PRKD1: variants seen among roughly 807,000 people sequenced by gnomAD.
PRKD1 encodes serine/threonine-protein kinase D1.
A neutral mutation model predicts 95.9 loss-of-function variants in PRKD1; 63 were observed. That is an observed-to-expected ratio of 0.66 (90% CI 0.54 to 0.81). The LOEUF (loss-of-function observed/expected upper bound fraction) is 0.81. Ranked by LOEUF, PRKD1 falls within the 30% of genes least tolerant of loss-of-function variation. The probability of loss-of-function intolerance (pLI) is 0.00; values close to 1 mark genes in which losing one functional copy is unlikely to be tolerated. For synonymous variants in PRKD1, 425 were observed against 423.1 expected (o/e 1.00, Z -0.05); for missense variants, 1,048 against 1,165.3 (o/e 0.90, Z 1.47).
chr14:29,597,597 G>A lies in PRKD1; in HGVS notation c.2328C>T (p.Ser776=). The change falls in exon 16 of 18, where the codon AGC becomes AGT. Residue 776 remains serine (S), a synonymous_variant. Coordinates refer to ENST00000331968, the MANE Select transcript of PRKD1 (RefSeq NM_002742.3). Reference sequence around the variant, plus strand: ...CATTAAATGGGAATGTGCCGCTTAGGCTTACATAGATGATGACCCCAACAG... The same window carrying A: ...CATTAAATGGGAATGTGCCGCTTAGACTTACATAGATGATGACCCCAACAG... The part of the protein sequence containing the change: ...MWSVGVIIYV[S]LSGTFPFNED... 6.2e-7 allele frequency: 1 copy of A among 1,614,002 alleles called. No homozygotes were observed. Among genetic ancestry groups the A allele is most frequent in the Non-Finnish European group, 8.5e-7 (1 of 1,179,976 alleles).
At chr14:29,907,876 G>A (rs929847098) in intron 1 of PRKD1, among the ~76,000 whole-genome samples, 3 of 152,238 alleles carry the variant, frequency 2.0e-5, no homozygotes, top group African/African-American at 7.2e-5. Flanking sequence ...GTATAGAGAT[G>A]TATATTTTCC....
intron 1 of PRKD1, among the ~76,000 whole-genome samples, chr14:29,797,295 G>C (rs983864169): frequency 1.3e-5 from 2 of 152,162 alleles, no homozygotes; most frequent in Non-Finnish European, 2.9e-5. Context: ...CAAATTGTTT[G>C]TAAGCGATGG....
intron 2 of PRKD1, among the ~76,000 whole-genome samples, chr14:29,676,882 C>T (rs2139254162): frequency 6.6e-6 from 1 of 152,184 alleles, no homozygotes; most frequent in East Asian, 1.9e-4. Flanking sequence ...AATATGGTAG[C>T]CACTGGCCAC....
rs763262469 is a variant in PRKD1, at chr14:29,680,466, GA to G, written c.404-14259del. On this transcript the variant is annotated intron_variant, in intron 2 of 17. Coordinates refer to ENST00000331968, the MANE Select transcript of PRKD1 (RefSeq NM_002742.3). ...AGCAACAAGAGGAATATATAAGAAA[GA>G]AAAAAACCTACAACGCACTATTATG... Among the ~76,000 whole-genome samples the G allele has an allele frequency of 1.1e-3, 167 of 152,062 alleles. 1 individual carries two copies. The highest frequency in any genetic ancestry group is 1.8e-3 in the Non-Finnish European group (119 of 67,966).
chr14:29,784,712 G>A lies in PRKD1; in HGVS notation c.265-59038C>T, dbSNP rs994384383. 5.9e-5 allele frequency among the ~76,000 whole-genome samples: 9 copies of A among 152,254 alleles called. 1 individual carries two copies. The highest frequency in any genetic ancestry group is 1.3e-4 in the Admixed American group (2 of 15,282). ...GTGGTCTGAGGGTTCACGGTTCAGCGTTCAGGGATCAGCTGGCATGGCAAC... is the reference window on the plus strand; with the variant it reads ...GTGGTCTGAGGGTTCACGGTTCAGCATTCAGGGATCAGCTGGCATGGCAAC... On this transcript the variant is annotated intron_variant, in intron 1 of 17. Coordinates refer to ENST00000331968, the MANE Select transcript of PRKD1 (RefSeq NM_002742.3).
Position 29,630,867 on chromosome 14 carries a change from T to C in PRKD1, c.1547A>G (p.Asn516Ser). The change falls in exon 10 of 18, where the codon AAT (asparagine) becomes AGT (serine). Residue 516 changes from asparagine to serine, a missense_variant. This residue lies in a region of PRKD1 where 739 missense variants were observed against 861.9 expected (regional missense o/e 0.86). Coordinates refer to ENST00000331968, the MANE Select transcript of PRKD1 (RefSeq NM_002742.3). ...AACGCCACTGGTGAGAACACTGTTA[T>C]TTGGTGATGGGCTGGAAGGATTGAC... is the stretch of plus-strand genomic sequence containing the variant. ...NVVNPSSPSP[N>S]NSVLTSGVGA... 3 of 1,614,128 alleles carry C rather than the reference T, an allele frequency of 1.9e-6. No homozygotes were observed. The highest frequency in any genetic ancestry group is 1.7e-5 in the Admixed American group (1 of 60,020).
At chr14:29,651,936 G>A (rs1456179176) in intron 4 of PRKD1, among the ~76,000 whole-genome samples, 2 of 152,064 alleles carry the variant, frequency 1.3e-5, no homozygotes, top group African/African-American at 4.8e-5. Flanking sequence ...AGTAGAGATG[G>A]GGTTTCACCA....
At chr14:29,817,669 G>C (rs894425062) in intron 1 of PRKD1, among the ~76,000 whole-genome samples, 2 of 152,102 alleles carry the variant, frequency 1.3e-5, no homozygotes, top group African/African-American at 4.8e-5. Context: ...ACCTGCGGGA[G>C]ATCACTAGGC....
intron 13 of PRKD1, among the ~76,000 whole-genome samples, chr14:29,611,755 A>AAAC (rs1288334354): frequency 2.6e-5 from 4 of 152,062 alleles, no homozygotes; most frequent in Non-Finnish European, 5.9e-5. Context: ...CCAAAAAAAA[A>AAAC]AAAAACAAAC....
chr14:29,610,661 T>C (rs1878400385), intron 13 of PRKD1, among the ~76,000 whole-genome samples: 1 of 152,206 alleles, frequency 6.6e-6, no homozygotes, highest in South Asian at 2.1e-4. Context: ...TACTTCTGGG[T>C]ATTTACCCAA....
intron 2 of PRKD1, among the ~76,000 whole-genome samples, chr14:29,716,793 T>C (rs1885634386): frequency 6.6e-6 from 1 of 152,108 alleles, no homozygotes; most frequent in Non-Finnish European, 1.5e-5. Flanking sequence ...CAATAGCAAA[T>C]GGGGTTATTT....
chr14:29,784,997 A>G (rs1018876059), intron 1 of PRKD1, among the ~76,000 whole-genome samples: 1 of 152,186 alleles, frequency 6.6e-6, no homozygotes, highest in African/African-American at 2.4e-5. Context: ...TCATGTGAAG[A>G]GCCAAATTCC....
chr14:29,829,892 C>T (rs1196657057), intron 1 of PRKD1, among the ~76,000 whole-genome samples: 1 of 152,166 alleles, frequency 6.6e-6, no homozygotes, highest in Non-Finnish European at 1.5e-5. Flanking sequence ...AACTGATTCA[C>T]TTATTTCCTC....
intron 16 of PRKD1, among the ~76,000 whole-genome samples, chr14:29,597,193 G>A (rs1893337474): frequency 6.6e-6 from 1 of 152,002 alleles, no homozygotes; most frequent in South Asian, 2.1e-4. Flanking sequence ...ATATAAGTAA[G>A]CCCTTACTAA....
intron 1 of PRKD1, among the ~76,000 whole-genome samples, chr14:29,924,173 T>C (rs904002460): frequency 6.6e-6 from 1 of 152,180 alleles, no homozygotes; most frequent in African/African-American, 2.4e-5. Context: ...TAACATATTA[T>C]ATAGCCATAC....
At chr14:29,703,000 G>A (rs559961097) in intron 2 of PRKD1, among the ~76,000 whole-genome samples, 7 of 152,152 alleles carry the variant, frequency 4.6e-5, no homozygotes, top group African/African-American at 1.7e-4. Context: ...CTGCACTAAT[G>A]TTGAGGAACA....
At chr14:29,831,456 T>A (rs28674035) in intron 1 of PRKD1, among the ~76,000 whole-genome samples, 15,220 of 151,446 alleles carry the variant, frequency 0.1, 1,633 homozygotes, top group African/African-American at 0.26. Context: ...TTGGTTTTTT[T>A]TTTTTTTTTT....
intron 1 of PRKD1, among the ~76,000 whole-genome samples, chr14:29,786,513 T>C (rs2044152453): frequency 6.6e-6 from 1 of 152,314 alleles, no homozygotes; most frequent in South Asian, 2.1e-4. Context: ...TGATTCAATC[T>C]CATTTCTTGC....
intron 1 of PRKD1, among the ~76,000 whole-genome samples, chr14:29,792,759 T>G (rs1278580207): frequency 2.6e-5 from 4 of 152,016 alleles, no homozygotes; most frequent in Non-Finnish European, 5.9e-5. Context: ...CACAAATACC[T>G]GGGCATAGCA....
Sources: gnomAD v4.1 joint callset for allele counts (sites outside exome capture counted in the v4.1 genomes callset) on GRCh38, gnomAD v4.1.1 for gene constraint, gnomAD v4.1.1 regional missense constraint, MANE v1.5 for transcripts, NCBI Gene and HGNC (gene_info 2026-07-23, HGNC 2026-07-21) for gene names.